Variants in CDKL5 observed in about 807,000 individuals in gnomAD.
CDKL5 encodes cyclin dependent kinase like 5, also known as cyclin-dependent kinase-like 5.
Under a neutral mutation model 61.7 loss-of-function variants are expected in CDKL5, and 8 were observed. That is an observed-to-expected ratio of 0.13 (90% CI 0.08 to 0.23). The LOEUF is 0.23. Ranked by LOEUF, CDKL5 falls within the 10% of genes least tolerant of loss-of-function variation. The pLI is 1.00. For missense variants in CDKL5, 440 were observed against 734.5 expected (o/e 0.60, Z 4.63); for synonymous variants, 275 against 272.3 (o/e 1.01, Z -0.10).
At chrX:18,452,362 C>T in intron 1 of CDKL5, among the ~76,000 whole-genome samples, 1 of 111,764 alleles carries the variant, frequency 8.9e-6, no homozygotes, top group East Asian at 2.8e-4. Context: ...CATCTATGAG[C>T]TTATTTCAGG....
At chrX:18,512,899 C>CTT (rs1922878168) in intron 3 of CDKL5, among the ~76,000 whole-genome samples, 2 of 111,056 alleles carry the variant, frequency 1.8e-5, no homozygotes, top group Admixed American at 1.9e-4. Flanking sequence ...TTTTCCCGAA[C>CTT]ATAAAACCTC....
chrX:18,451,263 C>T (rs1932008800), intron 1 of CDKL5, among the ~76,000 whole-genome samples: 1 of 111,569 alleles, frequency 9.0e-6, no homozygotes, highest in East Asian at 2.8e-4. Context: ...ATGATCTCGG[C>T]TCACTGCAAC....
intron 12 of CDKL5, among the ~76,000 whole-genome samples, chrX:18,608,009 A>G (rs998074146): frequency 3.6e-5 from 4 of 112,078 alleles, no homozygotes; most frequent in Non-Finnish European, 5.6e-5. Context: ...TGCATAATAT[A>G]CAGATATACG....
At chrX:18,472,955 ATTT>A (rs747799624) in intron 1 of CDKL5, among the ~76,000 whole-genome samples, 2 of 92,826 alleles carry the variant, frequency 2.2e-5, no homozygotes, top group Non-Finnish European at 2.2e-5. Flanking sequence ...ATCTCTTCTA[ATTT>A]TTTTTTTTTT....
At chrX:18,452,374 A>T (rs1438830146) in intron 1 of CDKL5, among the ~76,000 whole-genome samples, 1 of 111,831 alleles carries the variant, frequency 8.9e-6, no homozygotes, top group Non-Finnish European at 1.9e-5. Flanking sequence ...TATTTCAGGT[A>T]GTAAGTAGTA....
intron 11 of CDKL5, 71 bp from the exon 12 acceptor site, chrX:18,603,831 T>C: frequency 8.9e-7 from 1 of 1,128,720 alleles, no homozygotes; most frequent in South Asian, 1.8e-5. Flanking sequence ...ATTTGTTCTT[T>C]CTTTTTAACA....
At chrX:18,564,340 G>C in intron 3 of CDKL5, 137 bp from the exon 4 acceptor site, 1 of 338,969 alleles carries the variant, frequency 3.0e-6, no homozygotes, top group Admixed American at 3.5e-5. Flanking sequence ...GAGAGGTGGC[G>C]GGGGAGAGGA....
intron 11 of CDKL5, among the ~76,000 whole-genome samples, chrX:18,601,856 A>G (rs1480329306): frequency 9.0e-6 from 1 of 111,579 alleles, no homozygotes; most frequent in African/African-American, 3.3e-5. Context: ...CTGTCCCTTT[A>G]TGGTCTTTGT....
At chrX:18,593,748 C>A (rs765105174) in intron 9 of CDKL5, among the ~76,000 whole-genome samples, 3 of 112,525 alleles carry the variant, frequency 2.7e-5, no homozygotes, top group Non-Finnish European at 5.6e-5. Flanking sequence ...AACATCACTT[C>A]CCTCAGAAAT....
downstream of CDKL5, among the ~76,000 whole-genome samples, chrX:18,645,135 G>T (rs935736941): frequency 4.4e-5 from 5 of 112,635 alleles, no homozygotes; most frequent in Non-Finnish European, 9.4e-5. Context: ...GATAACCGTT[G>T]AAGCAACTAA....
chrX:18,591,052 G>C (rs1051176946), intron 9 of CDKL5, among the ~76,000 whole-genome samples: 1 of 110,407 alleles, frequency 9.1e-6, no homozygotes, highest in African/African-American at 3.3e-5. Flanking sequence ...GCTTCTCCTG[G>C]CAAGGTGCTT....
chrX:18,624,705 T>C (rs1926983803), intron 16 of CDKL5, among the ~76,000 whole-genome samples: 1 of 112,194 alleles, frequency 8.9e-6, no homozygotes. Flanking sequence ...CACTACCATA[T>C]ACAGTGTTTG....
intron 1 of CDKL5, among the ~76,000 whole-genome samples, chrX:18,449,003 C>T (rs933246478): frequency 2.7e-5 from 3 of 111,377 alleles, no homozygotes; most frequent in Non-Finnish European, 5.7e-5. Flanking sequence ...TACAGGCGCC[C>T]GCCACCATGA....
At chrX:18,577,458 A>G (rs1353724547) in intron 5 of CDKL5, among the ~76,000 whole-genome samples, 1 of 112,226 alleles carries the variant, frequency 8.9e-6, no homozygotes, top group Admixed American at 9.4e-5. Flanking sequence ...TCTCTAAGGG[A>G]TAAGGGACTG....
At position 18,533,732 on chromosome X, in the gene CDKL5, A is replaced by G. The variant is rs1191356241; in HGVS notation, c.99+22878A>G. ...CTTGGAAAATGCCATTTCATTCACT[A>G]AAGCTTCAGTACCACAGTGCCAGGA... On this transcript the variant is annotated intron_variant, in intron 3 of 17. Transcript: ENST00000623535. 3.6e-5 allele frequency among the ~76,000 whole-genome samples: 4 copies of G among 111,437 alleles called. No individual in the cohort carries two copies. The Admixed American group carries it at 3.8e-4, about 11-fold the overall frequency.
intron 3 of CDKL5, among the ~76,000 whole-genome samples, chrX:18,554,620 T>C (rs1256074812): frequency 1.8e-5 from 2 of 110,110 alleles, no homozygotes; most frequent in Non-Finnish European, 3.8e-5. Flanking sequence ...TTTGCCATGT[T>C]GGCCAGGCTG....
intron 4 of CDKL5, among the ~76,000 whole-genome samples, chrX:18,573,493 C>T (rs1925197929): frequency 8.9e-6 from 1 of 112,108 alleles, no homozygotes; most frequent in South Asian, 3.8e-4. Context: ...TTGCAGAACA[C>T]CTGGACCTTT....
At chrX:18,510,631 C>G (rs185518439) in intron 2 of CDKL5, among the ~76,000 whole-genome samples, 189 bp from the exon 3 acceptor site, 1 of 112,343 alleles carries the variant, frequency 8.9e-6, no homozygotes, top group East Asian at 2.8e-4. Context: ...AATGACTTGT[C>G]TATACTCTTG....
At chrX:18,551,813 G>T in intron 3 of CDKL5, among the ~76,000 whole-genome samples, 1 of 106,432 alleles carries the variant, frequency 9.4e-6, no homozygotes. Flanking sequence ...GGCTAGTATT[G>T]AACTCCTGGG....
Sources: allele counts gnomAD v4.1 joint callset (sites outside exome capture counted in the v4.1 genomes callset), GRCh38; gene constraint gnomAD v4.1.1; transcripts MANE v1.5; gene names NCBI Gene and HGNC (gene_info 2026-07-23, HGNC 2026-07-21).